The following PPFIA2 variants were observed in gnomAD, a reference collection of about 807,000 sequenced individuals.
PPFIA2 encodes PPFI scaffold protein A2.
A neutral mutation model predicts 175.5 loss-of-function variants in PPFIA2; 46 were observed. The observed-to-expected ratio is 0.26, with a 90% confidence interval of 0.21 to 0.34. The LOEUF (loss-of-function observed/expected upper bound fraction) is 0.34, where lower values mean the gene tolerates loss of function less well. Ranked by LOEUF, PPFIA2 falls within the 10% of genes least tolerant of loss-of-function variation. PPFIA2 has a pLI of 1.00. For missense variants in PPFIA2, 1,179 were observed against 1,506.1 expected (o/e 0.78, Z 3.60); for synonymous variants, 568 against 511.4 (o/e 1.11, Z -1.49).
chr12:81,722,629 T>C (rs1288444470), intron 3 of PPFIA2, among the ~76,000 whole-genome samples: 1 of 150,956 alleles, frequency 6.6e-6, no homozygotes, highest in African/African-American at 2.4e-5. Context: ...CACAGCAAAA[T>C]CCCTTGAGGA....
intron 4 of PPFIA2, among the ~76,000 whole-genome samples, chr12:81,669,142 T>C (rs940957335): frequency 6.0e-4 from 91 of 151,918 alleles, no homozygotes; most frequent in Non-Finnish European, 2.1e-4. Flanking sequence ...GTGGTCAACA[T>C]TTAAAGGTTT....
chr12:81,395,755 T>C (rs564040848), intron 8 of PPFIA2, among the ~76,000 whole-genome samples: 1 of 152,188 alleles, frequency 6.6e-6, no homozygotes, highest in East Asian at 1.9e-4. Flanking sequence ...GGGGACTTAA[T>C]CTGCAATAAT....
intron 4 of PPFIA2, among the ~76,000 whole-genome samples, chr12:81,498,532 G>T (rs2060259107): frequency 6.6e-6 from 1 of 152,176 alleles, no homozygotes; most frequent in African/African-American, 2.4e-5. Flanking sequence ...TTTTGGAAGA[G>T]CAGCACAGAG....
intron 18 of PPFIA2, among the ~76,000 whole-genome samples, chr12:81,347,178 C>T (rs1040699478): frequency 6.6e-6 from 1 of 151,808 alleles, no homozygotes; most frequent in Admixed American, 6.6e-5. Context: ...TCTTGAAATC[C>T]TTGCCTCTAG....
At chr12:81,412,591 T>C (rs1180303773) in intron 7 of PPFIA2, among the ~76,000 whole-genome samples, 1 of 151,932 alleles carries the variant, frequency 6.6e-6, no homozygotes, top group Non-Finnish European at 1.5e-5. Flanking sequence ...TACAAGTAGT[T>C]TGAAAGGTGA....
intron 17 of PPFIA2, among the ~76,000 whole-genome samples, chr12:81,349,068 T>A (rs1031405185): frequency 6.6e-6 from 1 of 152,212 alleles, no homozygotes; most frequent in Non-Finnish European, 1.5e-5. Flanking sequence ...AATACTTCTC[T>A]GGTGTACGTT....
At chr12:81,378,123 G>A (rs1027303666) in intron 9 of PPFIA2, 4 of 152,018 alleles carry the variant, frequency 2.6e-5, no homozygotes, top group Non-Finnish European at 4.4e-5. Context: ...GCTAGAAGGG[G>A]GGAAGAAGAA....
At chr12:81,470,032 C>A (rs984608723) in intron 4 of PPFIA2, among the ~76,000 whole-genome samples, 1 of 152,156 alleles carries the variant, frequency 6.6e-6, no homozygotes, top group African/African-American at 2.4e-5. Context: ...GGAAATATAT[C>A]TTTGTTGATT....
chr12:81,597,456 G>T (rs1166852652), intron 4 of PPFIA2, among the ~76,000 whole-genome samples: 1 of 151,862 alleles, frequency 6.6e-6, no homozygotes, highest in Non-Finnish European at 1.5e-5. Context: ...CTCCTGTATT[G>T]TTTATTGTCT....
chr12:81,649,259 CAAG>C (rs956052332), intron 4 of PPFIA2, among the ~76,000 whole-genome samples: 5 of 152,058 alleles, frequency 3.3e-5, no homozygotes, highest in African/African-American at 1.2e-4. Context: ...ACCTCCATAA[CAAG>C]AAGATTAAAA....
chr12:81,588,079 T>C (rs894950620), intron 4 of PPFIA2, among the ~76,000 whole-genome samples: 1 of 151,648 alleles, frequency 6.6e-6, no homozygotes, highest in Non-Finnish European at 1.5e-5. Flanking sequence ...AAACTAAGGG[T>C]AGTATAATAA....
chr12:81,369,466 C>A, intron 11 of PPFIA2: 2 of 1,258,746 alleles, frequency 1.6e-6, no homozygotes, highest in Admixed American at 7.0e-5. Flanking sequence ...ATGGTTTGAA[C>A]ACAAACCTGC....
chr12:81,527,558 T>C (rs2063876656), intron 4 of PPFIA2, among the ~76,000 whole-genome samples: 1 of 152,108 alleles, frequency 6.6e-6, no homozygotes, highest in Non-Finnish European at 1.5e-5. Context: ...GAGTTTTATG[T>C]CCAAATGGAA....
intron 31 of PPFIA2, 148 bp downstream of exon 31, chr12:81,263,083 G>A: frequency 2.8e-6 from 2 of 708,684 alleles, no homozygotes; most frequent in Non-Finnish European, 2.2e-6. Context: ...GTGTAAAAAG[G>A]AGTCTGGTTT....
chr12:81,432,518 T>C (rs2048274520), intron 7 of PPFIA2, among the ~76,000 whole-genome samples: 1 of 149,014 alleles, frequency 6.7e-6, no homozygotes, highest in Admixed American at 6.8e-5. Flanking sequence ...CAGGTTGGAG[T>C]GCAGTGGCGT....
intron 24 of PPFIA2, among the ~76,000 whole-genome samples, chr12:81,289,617 G>T (rs1279801839): frequency 2.0e-5 from 3 of 151,732 alleles, no homozygotes; most frequent in Admixed American, 2.0e-4. Context: ...TCATTCAAAT[G>T]GCTTTTTGAG....
At chr12:81,321,999 A>G (rs2053760706) in intron 22 of PPFIA2, among the ~76,000 whole-genome samples, 1 of 152,034 alleles carries the variant, frequency 6.6e-6, no homozygotes, top group African/African-American at 2.4e-5. Context: ...ATGTCTGTCT[A>G]ATGTATTTTT....
intron 3 of PPFIA2, among the ~76,000 whole-genome samples, chr12:81,715,550 T>C (rs752130112): frequency 2.0e-5 from 3 of 151,774 alleles, no homozygotes; most frequent in Non-Finnish European, 4.4e-5. Context: ...CTCAGCTTTT[T>C]TCCCCCAGTA....
Position 81,729,838 on chromosome 12 carries a change from A to C in PPFIA2, c.249+24135T>G, listed in dbSNP as rs571003067. ...GGAAAAATTAGGATGAATGCAGCCC[A>C]CTTAAGGTATTGAAAAGTTGCCCAC... is the stretch of plus-strand genomic sequence containing the variant. On this transcript the variant is annotated intron_variant, in intron 3 of 32. Transcript: ENST00000549396. Among the ~76,000 whole-genome samples, 7 of 151,634 alleles carry C rather than the reference A, an allele frequency of 4.6e-5. No homozygotes were observed. The South Asian group carries it at 1.5e-3, about 31-fold the overall frequency.
Sources: allele counts gnomAD v4.1 joint callset (sites outside exome capture counted in the v4.1 genomes callset), GRCh38; gene constraint gnomAD v4.1.1; transcripts MANE v1.5; gene names NCBI Gene and HGNC (gene_info 2026-07-23, HGNC 2026-07-21).